Variants in MAPK8 observed in about 807,000 individuals in gnomAD.
The protein encoded by MAPK8 is JUN N-terminal kinase.
MAPK8 carries 13 observed loss-of-function variants against 52.9 expected under a neutral mutation model. The ratio of observed to expected loss-of-function variants is 0.25; its 90% CI spans 0.16 to 0.39. The LOEUF (loss-of-function observed/expected upper bound fraction) is 0.39, where lower values mean the gene tolerates loss of function less well. Ranked by LOEUF, MAPK8 falls within the 10% of genes least tolerant of loss-of-function variation. The pLI, the probability that MAPK8 is intolerant of heterozygous loss-of-function variation, is 1.00. For synonymous variants in MAPK8, 191 were observed against 169.8 expected (o/e 1.12, Z -0.97); for missense variants, 300 against 519.2 (o/e 0.58, Z 4.10).
At chr10:48,349,307 T>G (rs1314025258) in intron 1 of MAPK8, among the ~76,000 whole-genome samples, 2 of 152,068 alleles carry the variant, frequency 1.3e-5, no homozygotes, top group African/African-American at 2.4e-5. Context: ...CCACCCCAAA[T>G]CAACAGAATA....
intron 1 of MAPK8, among the ~76,000 whole-genome samples, chr10:48,329,862 G>C (rs1843940962): frequency 6.6e-6 from 1 of 152,158 alleles, no homozygotes; most frequent in Admixed American, 6.5e-5. Context: ...GGTTCCCCAA[G>C]GTCAGGGCAT....
At chr10:48,428,896 C>T (rs1785342970) in intron 10 of MAPK8, among the ~76,000 whole-genome samples, 1 of 151,842 alleles carries the variant, frequency 6.6e-6, no homozygotes, top group Non-Finnish European at 1.5e-5. Context: ...TCATGGCTCA[C>T]TGCAGCATCA....
rs545095086 is a variant in MAPK8, at chr10:48,348,894, A to T, written c.-50+42073A>T. ...GGCTCTTTTTTGGGCATGTGCAAAG[A>T]CACTCATAGGCTCAAAATAAAGGGA... On this transcript the variant is annotated intron_variant, in intron 1 of 11. Transcript: ENST00000374189. Among the ~76,000 whole-genome samples, 10 of 151,530 alleles carry T rather than the reference A, an allele frequency of 6.6e-5. No individual in the cohort carries two copies. In the South Asian group the frequency reaches 1.9e-3, roughly 29 times the overall value.
At chr10:48,383,014 T>G (rs1359632395) in intron 1 of MAPK8, among the ~76,000 whole-genome samples, 1 of 150,512 alleles carries the variant, frequency 6.6e-6, no homozygotes, top group Non-Finnish European at 1.5e-5. Flanking sequence ...GCTATAGACC[T>G]CTTTCAAAGA....
intron 1 of MAPK8, among the ~76,000 whole-genome samples, chr10:48,310,067 G>T (rs928942043): frequency 6.6e-6 from 1 of 152,192 alleles, no homozygotes; most frequent in Admixed American, 6.5e-5. Flanking sequence ...GGTAACAGGA[G>T]TATTGAAATG....
At chr10:48,374,443 G>C (rs2040526786) in intron 1 of MAPK8, among the ~76,000 whole-genome samples, 1 of 152,112 alleles carries the variant, frequency 6.6e-6, no homozygotes, top group South Asian at 2.1e-4. Context: ...AAAAATCAAT[G>C]AATTCAGGAG....
intron 1 of MAPK8, among the ~76,000 whole-genome samples, chr10:48,356,568 A>G (rs1846964994): frequency 6.6e-6 from 1 of 152,106 alleles, no homozygotes; most frequent in African/African-American, 2.4e-5. Context: ...GTGGCCTGGC[A>G]TGATGGCTCA....
intron 9 of MAPK8, 82 bp from the exon 10 acceptor site, chr10:48,426,998 G>C: frequency 2.1e-6 from 2 of 948,390 alleles, no homozygotes; most frequent in African/African-American, 1.6e-5. Flanking sequence ...TAAGTCATCT[G>C]TGTGGCTAAT....
chr10:48,389,091 G>A (rs1419680206), intron 1 of MAPK8, among the ~76,000 whole-genome samples: 2 of 152,112 alleles, frequency 1.3e-5, no homozygotes, highest in Non-Finnish European at 2.9e-5. Flanking sequence ...GGCCTTCTTA[G>A]TGCAGGACAT....
chr10:48,308,153 G>A (rs1242758885), intron 1 of MAPK8: 1 of 152,062 alleles, frequency 6.6e-6, no homozygotes, highest in Non-Finnish European at 1.5e-5. Flanking sequence ...TGTGGTTAAC[G>A]TTAAACCTAG....
intron 1 of MAPK8, among the ~76,000 whole-genome samples, chr10:48,374,136 G>T (rs1416370217): frequency 1.3e-5 from 2 of 152,162 alleles, no homozygotes; most frequent in Non-Finnish European, 1.5e-5. Context: ...ACCTGCTCCT[G>T]AATGACTACT....
chr10:48,309,636 A>G (rs1029737597), intron 1 of MAPK8, among the ~76,000 whole-genome samples: 1 of 152,224 alleles, frequency 6.6e-6, no homozygotes, highest in Non-Finnish European at 1.5e-5. Context: ...ACTTGAAGGA[A>G]TTTGTTGTTA....
At chr10:48,368,129 A>T (rs1848227893) in intron 1 of MAPK8, among the ~76,000 whole-genome samples, 1 of 152,242 alleles carries the variant, frequency 6.6e-6, no homozygotes, top group African/African-American at 2.4e-5. Context: ...CAAGACAGTA[A>T]AATCAACACA....
chr10:48,389,804 A>G (rs1037744240), intron 1 of MAPK8, among the ~76,000 whole-genome samples: 6 of 152,170 alleles, frequency 3.9e-5, no homozygotes, highest in African/African-American at 1.4e-4. Flanking sequence ...AATGTTAGCA[A>G]TGGTAAGTGA....
intron 1 of MAPK8, among the ~76,000 whole-genome samples, chr10:48,324,001 TA>T (rs779407003): frequency 6.6e-6 from 1 of 152,220 alleles, no homozygotes; most frequent in Non-Finnish European, 1.5e-5. Context: ...ACCCACTTTT[TA>T]AAGTGACTTC....
chr10:48,397,301 A>G (rs1263436684), intron 1 of MAPK8, among the ~76,000 whole-genome samples: 1 of 151,852 alleles, frequency 6.6e-6, no homozygotes, highest in Non-Finnish European at 1.5e-5. Context: ...GATGTGCACT[A>G]CTACTGTGGC....
At chr10:48,362,245 T>C (rs1847600559) in intron 1 of MAPK8, among the ~76,000 whole-genome samples, 1 of 152,120 alleles carries the variant, frequency 6.6e-6, no homozygotes, top group African/African-American at 2.4e-5. Context: ...CTACCTCTTT[T>C]CTCCTTACAC....
chr10:48,378,421 AG>A (rs57892881), intron 1 of MAPK8, among the ~76,000 whole-genome samples: 108,121 of 151,988 alleles, frequency 0.71, 38,787 homozygotes, highest in African/African-American at 0.81. Flanking sequence ...GATACATAAC[AG>A]TTAAGAATTT....
chr10:48,428,756 C>A (rs1042781701), intron 10 of MAPK8, among the ~76,000 whole-genome samples: 2 of 152,072 alleles, frequency 1.3e-5, no homozygotes, highest in Non-Finnish European at 2.9e-5. Context: ...ATTTTTACAT[C>A]CTACTAATTT....
Sources: allele counts gnomAD v4.1 joint callset (sites outside exome capture counted in the v4.1 genomes callset), GRCh38; gene constraint gnomAD v4.1.1; transcripts MANE v1.5; gene names NCBI Gene and HGNC (gene_info 2026-07-23, HGNC 2026-07-21).